MGST1: variants seen among roughly 807,000 people sequenced by gnomAD.
MGST1 encodes the protein microsomal glutathione S-transferase 1, also known as glutathione S-transferase 12.
A neutral mutation model predicts 8.9 loss-of-function variants in MGST1; 5 were observed. That is an observed-to-expected ratio of 0.56 (90% CI 0.29 to 1.19). The LOEUF (loss-of-function observed/expected upper bound fraction) is 1.19. Among genes scored for constraint, MGST1 ranks in the 50% most tolerant of loss-of-function variants. MGST1 has a pLI of 0.08. For missense variants in MGST1, 182 were observed against 187.4 expected (o/e 0.97, Z 0.17); for synonymous variants, 54 against 67.8 (o/e 0.80, Z 1.00).
intron 1 of MGST1, among the ~76,000 whole-genome samples, chr12:16,406,336 C>T (rs1940697676): frequency 6.6e-6 from 1 of 152,108 alleles, no homozygotes; most frequent in African/African-American, 2.4e-5. Flanking sequence ...AATACAATAT[C>T]TAGGAATACA....
intron 4 of MGST1, among the ~76,000 whole-genome samples, chr12:16,528,164 C>T (rs1047244666): frequency 2.0e-5 from 3 of 151,978 alleles, no homozygotes; most frequent in Non-Finnish European, 4.4e-5. Context: ...GGCTTGTTTT[C>T]GCCAGGCAAA....
upstream of MGST1, chr12:16,347,322 T>G (rs1939246299): frequency 6.6e-6 from 1 of 152,244 alleles, no homozygotes; most frequent in African/African-American, 2.4e-5. The surrounding 1 kb of genome is among the most constrained non-coding windows in gnomAD (Gnocchi z 4.0). Flanking sequence ...CTGGAGATTT[T>G]AACTTTCTGC....
chr12:16,530,063 T>C (rs1306682827), intron 4 of MGST1, among the ~76,000 whole-genome samples: 1 of 152,108 alleles, frequency 6.6e-6, no homozygotes, highest in East Asian at 1.9e-4. Flanking sequence ...ATGGACTGAT[T>C]CTGTCATTTG....
At chr12:16,542,400 C>T (rs990621128) in intron 4 of MGST1, among the ~76,000 whole-genome samples, 10 of 152,104 alleles carry the variant, frequency 6.6e-5, no homozygotes, top group African/African-American at 1.7e-4. Flanking sequence ...TTTTTGAAAC[C>T]GGAATACAAC....
chr12:16,552,101 C>A (rs1375661813), intron 4 of MGST1, among the ~76,000 whole-genome samples: 1 of 151,976 alleles, frequency 6.6e-6, no homozygotes, highest in Non-Finnish European at 1.5e-5. Context: ...TGCAAGACTG[C>A]AATGTTTTTA....
chr12:16,483,947 G>A (rs1205818479), intron 4 of MGST1, among the ~76,000 whole-genome samples: 1 of 152,050 alleles, frequency 6.6e-6, no homozygotes, highest in Admixed American at 6.6e-5. Flanking sequence ...CATATTCTAG[G>A]CATAAAACAA....
chr12:16,354,730 G>A, intron 2 of MGST1: 1 of 159,312 alleles, frequency 6.3e-6, no homozygotes, highest in Non-Finnish European at 1.4e-5. Flanking sequence ...CAGTTAACTG[G>A]TATTTTCAGC....
At chr12:16,498,695 C>T (rs1941485567) in intron 4 of MGST1, among the ~76,000 whole-genome samples, 1 of 152,146 alleles carries the variant, frequency 6.6e-6, no homozygotes, top group African/African-American at 2.4e-5. Flanking sequence ...TAACAGGAGA[C>T]CCGCTTTCCA....
At chr12:16,402,439 T>A in intron 1 of MGST1, 1 of 1,602,734 alleles carries the variant, frequency 6.2e-7, no homozygotes, top group East Asian at 2.2e-5. Context: ...ACGCCGCTTC[T>A]CCTCGGGTTC....
downstream of MGST1, among the ~76,000 whole-genome samples, chr12:16,443,201 G>A (rs527746639): frequency 2.6e-5 from 4 of 151,454 alleles, no homozygotes; most frequent in East Asian, 7.8e-4. Context: ...GTATTTACTT[G>A]GAATGATTTT....
downstream of MGST1, among the ~76,000 whole-genome samples, chr12:16,443,066 G>C (rs1459448069): frequency 6.6e-6 from 1 of 151,632 alleles, no homozygotes; most frequent in Admixed American, 6.6e-5. Flanking sequence ...TACAAGTTTA[G>C]GGTTATATAT....
At position 16,546,139 on chromosome 12, in the gene MGST1, A is replaced by C. The variant is rs1453061853; in HGVS notation, n.483-43389A>C. Among the ~76,000 whole-genome samples, 1 of 152,120 alleles carries C rather than the reference A, an allele frequency of 6.6e-6. No homozygotes were observed. Among genetic ancestry groups the C allele is most frequent in the Non-Finnish European group, 1.5e-5 (1 of 67,998 alleles). The stretch of plus-strand genomic sequence containing the variant: ...GGCAATTGTTTGGTAAATATTCGCT[A>C]TTATTACTAAAAGTTATTGAAGATG... On this transcript the variant is annotated intron_variant and non_coding_transcript_variant, in intron 4 of 4. Coordinates refer to the MGST1 transcript ENST00000538857. This position sits in a 1 kb window ranked among gnomAD's most constrained non-coding sequence, Gnocchi z 4.7.
At chr12:16,474,435 G>T (rs1438442408) in intron 4 of MGST1, among the ~76,000 whole-genome samples, 1 of 152,100 alleles carries the variant, frequency 6.6e-6, no homozygotes, top group African/African-American at 2.4e-5. Context: ...GTGCTTATTG[G>T]ATTTCATTCA....
intron 3 of MGST1, among the ~76,000 whole-genome samples, chr12:16,372,589 T>G (rs1269599136): frequency 6.6e-6 from 1 of 152,110 alleles, no homozygotes; most frequent in African/African-American, 2.4e-5. Flanking sequence ...GGATGTAAAT[T>G]AGTGCAGCCA....
At position 16,491,718 on chromosome 12, in the gene MGST1, T is replaced by C. The variant is rs541489801; in HGVS notation, n.483-97810T>C. Among the ~76,000 whole-genome samples, 7 of 152,336 alleles carry C rather than the reference T, an allele frequency of 4.6e-5. No individual in the cohort carries two copies. In the South Asian group the frequency reaches 1.4e-3, roughly 32 times the overall value. ...AGGTGATGTGAACATTTCTTATAGA[T>C]AGAATTATGTTTAGCTATATTCTTT... On this transcript the variant is annotated intron_variant and non_coding_transcript_variant, in intron 4 of 4. Transcript: ENST00000538857.
Position 16,582,677 on chromosome 12 carries a change from AC to A in MGST1, n.483-6849del, listed in dbSNP as rs1943197111. Among the ~76,000 whole-genome samples, 1 of 152,302 alleles carries A rather than the reference AC, an allele frequency of 6.6e-6. No homozygotes were observed. The highest frequency in any genetic ancestry group is 2.4e-5 in the African/African-American group (1 of 41,560). On this transcript the variant is annotated intron_variant and non_coding_transcript_variant, in intron 4 of 4. Transcript: ENST00000538857. This position sits in a 1 kb window ranked among gnomAD's most constrained non-coding sequence, Gnocchi z 4.1. ...AACATCTCCTAGGAAAAATAAGTAT[AC>A]CACAACAAGATCACCGTTCCTAGGT...
At chr12:16,493,287 A>C (rs890946171) in intron 4 of MGST1, among the ~76,000 whole-genome samples, 1 of 152,156 alleles carries the variant, frequency 6.6e-6, no homozygotes. Context: ...TCAAAATTGC[A>C]TAAGCCTTTT....
Position 16,546,565 on chromosome 12 carries a change from AT to A in MGST1, n.483-42960del, listed in dbSNP as rs1941825614. Among the ~76,000 whole-genome samples the A allele has an allele frequency of 6.6e-6, 1 of 152,148 alleles. No homozygotes were observed. Among genetic ancestry groups the A allele is most frequent in the Non-Finnish European group, 1.5e-5 (1 of 68,000 alleles). ...ACGCCCAAAACAGGAGTATCTTTGA[AT>A]TTAACATATTTTCCTTTTCAGAAAA... On this transcript the variant is annotated intron_variant and non_coding_transcript_variant, in intron 4 of 4. Coordinates refer to the MGST1 transcript ENST00000538857. The surrounding 1 kb of genome is among the most constrained non-coding windows in gnomAD (Gnocchi z 4.7).
In MGST1 at chr12:16,586,360, A is replaced by G. The variant is rs1163912577; in HGVS notation, n.483-3168A>G. Among the ~76,000 whole-genome samples the G allele has an allele frequency of 6.6e-6, 1 of 152,146 alleles. No individual in the cohort carries two copies. Among genetic ancestry groups the G allele is most frequent in the Non-Finnish European group, 1.5e-5 (1 of 68,026 alleles). On this transcript the variant is annotated intron_variant and non_coding_transcript_variant, in intron 4 of 4. Transcript: ENST00000538857. The surrounding 1 kb of genome is among the most constrained non-coding windows in gnomAD (Gnocchi z 4.3). ...ACTAAAACACGTGCATGAATGGAGA[A>G]CCACTGCATGGCTGTGGCAAGGAGA...
Sources: allele counts gnomAD v4.1 joint callset (sites outside exome capture counted in the v4.1 genomes callset), GRCh38; gene constraint gnomAD v4.1.1; non-coding constraint Gnocchi (gnomAD v3.1); transcripts MANE v1.5; gene names NCBI Gene and HGNC (gene_info 2026-07-23, HGNC 2026-07-21).